Variants in PPP1R12B observed in about 807,000 individuals in gnomAD.
PPP1R12B encodes the protein myosin phosphatase target subunit 2.
PPP1R12B carries 76 observed loss-of-function variants against 126.1 expected under a neutral mutation model. That is an observed-to-expected ratio of 0.60 (90% CI 0.50 to 0.73). PPP1R12B has a LOEUF of 0.73. PPP1R12B is among the 30% of genes least tolerant of loss of function. The probability of loss-of-function intolerance (pLI) is 0.00; values close to 1 mark genes in which losing one functional copy is unlikely to be tolerated. For synonymous variants in PPP1R12B, 356 were observed against 434.7 expected, an observed-to-expected ratio of 0.82 and a Z score of 2.25; for missense variants, 1,052 against 1,205.1, an observed-to-expected ratio of 0.87 and a Z score of 1.88.
chr1:202,478,735 T>C (rs999369477), intron 13 of PPP1R12B, among the ~76,000 whole-genome samples: 2 of 152,162 alleles, frequency 1.3e-5, no homozygotes, highest in African/African-American at 4.8e-5. Context: ...TGTTTTCATA[T>C]TTTTGTCTGT....
intron 1 of PPP1R12B, among the ~76,000 whole-genome samples, chr1:202,356,451 G>GC (rs557714176): frequency 1.3e-3 from 191 of 152,232 alleles, no homozygotes; most frequent in African/African-American, 4.5e-3. Flanking sequence ...GACTAATGGT[G>GC]CCCCAAAAAT....
intron 1 of PPP1R12B, among the ~76,000 whole-genome samples, chr1:202,382,190 G>T (rs529007579): frequency 3.2e-4 from 48 of 149,670 alleles, no homozygotes; most frequent in Non-Finnish European, 6.1e-4. Context: ...ACCAAACATC[G>T]CATGTTCTCC....
At chr1:202,506,967 C>T (rs780100330) in intron 18 of PPP1R12B, among the ~76,000 whole-genome samples, 3 of 152,174 alleles carry the variant, frequency 2.0e-5, no homozygotes, top group Non-Finnish European at 4.4e-5. Flanking sequence ...TAAAATGCCC[C>T]ATATCAAACA....
intron 13 of PPP1R12B, among the ~76,000 whole-genome samples, chr1:202,467,140 C>T (rs1224227958): frequency 1.3e-5 from 2 of 152,090 alleles, no homozygotes; most frequent in Non-Finnish European, 2.9e-5. Flanking sequence ...AAATCTCATC[C>T]AATCACTGAC....
At chr1:202,380,530 A>G (rs1662075126) in intron 1 of PPP1R12B, among the ~76,000 whole-genome samples, 2 of 152,180 alleles carry the variant, frequency 1.3e-5, no homozygotes, top group African/African-American at 4.8e-5. Flanking sequence ...TCCATTTTAG[A>G]GTGAATGTTC....
chr1:202,411,138 T>C (rs1418400399), intron 1 of PPP1R12B, among the ~76,000 whole-genome samples: 2 of 152,148 alleles, frequency 1.3e-5, no homozygotes, highest in Non-Finnish European at 2.9e-5. Flanking sequence ...GCAGCACAGC[T>C]GCCGATGGAG....
At chr1:202,506,801 A>G (rs944516210) in intron 18 of PPP1R12B, among the ~76,000 whole-genome samples, 2 of 152,238 alleles carry the variant, frequency 1.3e-5, no homozygotes, top group Admixed American at 6.5e-5. Flanking sequence ...AAGAAAATTC[A>G]TGAAGTATAG....
At chr1:202,408,584 T>C (rs1159954097) in intron 1 of PPP1R12B, among the ~76,000 whole-genome samples, 2 of 152,190 alleles carry the variant, frequency 1.3e-5, no homozygotes, top group African/African-American at 4.8e-5. Flanking sequence ...AACACAAACT[T>C]GGTGGCCTAA....
rs1397378240 is a variant in PPP1R12B, at chr1:202,559,019, C to T, written c.2507+126C>T. 8.0e-6 allele frequency: 8 copies of T among 994,710 alleles called. No individual in the cohort carries two copies. The East Asian group carries it at 2.2e-4, about 28-fold the overall frequency. The allele number at this position is 994,710 out of a possible 1,614,324, so 61.6% of individuals were successfully genotyped here. A position where few individuals can be genotyped will look rare whatever the true frequency, so the allele number is the denominator to read the frequency against. On this transcript the variant is annotated intron_variant, in intron 19 of 23. Transcript: ENST00000608999. ...ATCCTTTCCATCCTTTTCATTTCCACAGCCACCACAATAATTCAGACTTTT... is the reference window on the plus strand; with the variant it reads ...ATCCTTTCCATCCTTTTCATTTCCATAGCCACCACAATAATTCAGACTTTT...
intron 1 of PPP1R12B, among the ~76,000 whole-genome samples, chr1:202,402,439 A>G (rs1353087953): frequency 1.3e-5 from 2 of 152,202 alleles, no homozygotes; most frequent in African/African-American, 4.8e-5. Context: ...TTTGGACTAC[A>G]GGCTATGTTT....
At chr1:202,416,634 G>A (rs1668105284) in intron 1 of PPP1R12B, among the ~76,000 whole-genome samples, 153 bp from the exon 2 acceptor site, 2 of 151,338 alleles carry the variant, frequency 1.3e-5, no homozygotes, top group Non-Finnish European at 2.9e-5. Flanking sequence ...AGATCACAAA[G>A]CCTAGAAGTC....
At chr1:202,396,920 A>T (rs1261851642) in intron 1 of PPP1R12B, among the ~76,000 whole-genome samples, 2 of 152,076 alleles carry the variant, frequency 1.3e-5, no homozygotes, top group Non-Finnish European at 2.9e-5. Flanking sequence ...TTTAAGGCTA[A>T]TCCTTCTGTC....
intron 1 of PPP1R12B, among the ~76,000 whole-genome samples, chr1:202,381,507 A>T (rs1158058541): frequency 6.6e-6 from 1 of 150,846 alleles, no homozygotes; most frequent in Non-Finnish European, 1.5e-5. Context: ...TAGACAGGTA[A>T]CTGCTCATCC....
chr1:202,442,306 A>T, intron 11 of PPP1R12B, 141 bp from the exon 12 acceptor site: 1 of 932,296 alleles, frequency 1.1e-6, no homozygotes, highest in African/African-American at 1.7e-5. Context: ...GAAAACTGGT[A>T]TATAAAACAG....
rs927821521 is a variant in PPP1R12B, at chr1:202,590,550, C to G, written c.*9990C>G. The G allele has an allele frequency of 6.6e-6, 1 of 151,936 alleles. No homozygotes were observed. Among genetic ancestry groups the G allele is most frequent in the Non-Finnish European group, 1.5e-5 (1 of 68,046 alleles). The allele number at this position is 151,936 out of a possible 1,614,324, so 9.4% of individuals were successfully genotyped here. A position where few individuals can be genotyped will look rare whatever the true frequency, so the allele number is the denominator to read the frequency against. On this transcript the variant is annotated 3_prime_UTR_variant, in exon 24 of 24. Transcript: ENST00000608999. ...CAGGCAGCTCCCACTCCCTCACCCC[C>G]ACCTCAGCGCAGCAAAAACAACCAG...
At chr1:202,466,869 T>A (rs972897335) in intron 13 of PPP1R12B, among the ~76,000 whole-genome samples, 12 of 152,302 alleles carry the variant, frequency 7.9e-5, no homozygotes, top group Admixed American at 2.6e-4. Flanking sequence ...GTTCTCACTT[T>A]TTTTTTTAGA....
At chr1:202,482,132 C>T (rs1167601722) in intron 13 of PPP1R12B, among the ~76,000 whole-genome samples, 1 of 152,026 alleles carries the variant, frequency 6.6e-6, no homozygotes, top group African/African-American at 2.4e-5. Context: ...TTTCTTTACC[C>T]ATTCTTCCAT....
At chr1:202,540,536 CCTT>C (rs1467979759) in intron 18 of PPP1R12B, among the ~76,000 whole-genome samples, 1 of 152,160 alleles carries the variant, frequency 6.6e-6, no homozygotes, top group Non-Finnish European at 1.5e-5. Context: ...ATTTTACAGT[CCTT>C]ATCACTTTAT....
At chr1:202,550,240 G>C (rs1469379054) in intron 18 of PPP1R12B, among the ~76,000 whole-genome samples, 1 of 152,122 alleles carries the variant, frequency 6.6e-6, no homozygotes, top group Non-Finnish European at 1.5e-5. Flanking sequence ...TAAAAGTTTT[G>C]ATTCACAGCC....
Sources: allele counts gnomAD v4.1 joint callset (sites outside exome capture counted in the v4.1 genomes callset), GRCh38; gene constraint gnomAD v4.1.1; transcripts MANE v1.5; gene names NCBI Gene and HGNC (gene_info 2026-07-23, HGNC 2026-07-21).